BBS9: variants seen among roughly 807,000 people sequenced by gnomAD.
BBS9 encodes protein PTHB1.
A neutral mutation model predicts 117.7 loss-of-function variants in BBS9; 89 were observed. The ratio of observed to expected loss-of-function variants is 0.76; its 90% CI spans 0.64 to 0.90. The LOEUF (loss-of-function observed/expected upper bound fraction) is 0.90. BBS9 is among the 40% of genes least tolerant of loss of function. The probability of loss-of-function intolerance (pLI) is 0.00; values close to 1 mark genes in which losing one functional copy is unlikely to be tolerated. For synonymous variants in BBS9, 379 were observed against 370.9 expected (o/e 1.02, Z -0.25); for missense variants, 982 against 1,042.2 (o/e 0.94, Z 0.80).
intron 5 of BBS9, among the ~76,000 whole-genome samples, chr7:33,204,418 A>AAT: frequency 6.6e-6 from 1 of 151,506 alleles, no homozygotes; most frequent in South Asian, 2.1e-4. Flanking sequence ...AAAAAAAAAA[A>AAT]AAAGTTATTT....
chr7:33,581,225 CA>C, intron 21 of BBS9, among the ~76,000 whole-genome samples: 1 of 152,108 alleles, frequency 6.6e-6, no homozygotes, highest in South Asian at 2.1e-4. Flanking sequence ...TAAAATAGGA[CA>C]CTTGTTTCAA....
At chr7:33,212,946 T>G (rs892670800) in intron 5 of BBS9, among the ~76,000 whole-genome samples, 5 of 152,186 alleles carry the variant, frequency 3.3e-5, no homozygotes, top group East Asian at 3.9e-4. Context: ...CACTGGGGAC[T>G]GTGTTGGGTC....
At chr7:33,414,880 T>C (rs1461195719) in intron 19 of BBS9, among the ~76,000 whole-genome samples, 1 of 152,140 alleles carries the variant, frequency 6.6e-6, no homozygotes, top group African/African-American at 2.4e-5. Context: ...AGAGATGATA[T>C]CAGTTTACCG....
In BBS9 at chr7:33,601,126, C is replaced by T. The variant is rs116501653; in HGVS notation, c.2522-3739C>T. Among the ~76,000 whole-genome samples, 435 of 152,198 alleles carry T rather than the reference C, an allele frequency of 2.9e-3. 2 individuals carry two copies. Among genetic ancestry groups the T allele is most frequent in the African/African-American group, 7.8e-3 (322 of 41,532 alleles). On this transcript the variant is annotated intron_variant, in intron 21 of 22. Transcript: ENST00000242067. Reference sequence around the variant, plus strand: ...GAGGGCACTGAGCCCTTTGTGACAGCGTTATTTGAGGATGGAGTGAGTTAC... The same window carrying T: ...GAGGGCACTGAGCCCTTTGTGACAGTGTTATTTGAGGATGGAGTGAGTTAC...
At chr7:33,243,653 G>T (rs909207497) in intron 5 of BBS9, among the ~76,000 whole-genome samples, 6 of 152,120 alleles carry the variant, frequency 3.9e-5, no homozygotes, top group Non-Finnish European at 8.8e-5. Context: ...AAAACTTTTT[G>T]TGTTTGTTTT....
chr7:33,236,182 T>A (rs1302110366), intron 5 of BBS9, among the ~76,000 whole-genome samples: 1 of 151,752 alleles, frequency 6.6e-6, no homozygotes, highest in Non-Finnish European at 1.5e-5. Context: ...CAAAATTAGC[T>A]GGGTGTGATG....
intron 21 of BBS9, among the ~76,000 whole-genome samples, chr7:33,576,262 A>G (rs1258540787): frequency 6.6e-6 from 1 of 152,162 alleles, no homozygotes; most frequent in Non-Finnish European, 1.5e-5. Flanking sequence ...TACACCAATA[A>G]CAGACAAACA....
intron 19 of BBS9, among the ~76,000 whole-genome samples, chr7:33,449,863 G>C (rs1324106382): frequency 6.6e-6 from 1 of 152,038 alleles, no homozygotes; most frequent in Non-Finnish European, 1.5e-5. Flanking sequence ...AACGCATAAA[G>C]ATATTAAAAA....
At chr7:33,586,847 T>G (rs891512905) in intron 21 of BBS9, among the ~76,000 whole-genome samples, 4 of 152,016 alleles carry the variant, frequency 2.6e-5, no homozygotes, top group African/African-American at 4.8e-5. Flanking sequence ...AGCTGAACAT[T>G]GGGTACAATG....
intron 5 of BBS9, among the ~76,000 whole-genome samples, chr7:33,242,521 G>A (rs1214706107): frequency 6.6e-6 from 1 of 151,768 alleles, no homozygotes; most frequent in Non-Finnish European, 1.5e-5. Context: ...TTAGTTTTTA[G>A]CTTCTAAATT....
chr7:33,536,481 T>C (rs1446882386), intron 21 of BBS9, among the ~76,000 whole-genome samples: 3 of 152,168 alleles, frequency 2.0e-5, no homozygotes, highest in African/African-American at 7.2e-5. Flanking sequence ...TGTAGAATTA[T>C]TGCTGTCTTA....
At chr7:33,533,641 G>C in intron 20 of BBS9, 1 of 387,798 alleles carries the variant, frequency 2.6e-6, no homozygotes, top group Non-Finnish European at 4.8e-6. Flanking sequence ...TCTTTTTGTT[G>C]TTACTCATTA....
At chr7:33,597,048 ATCTC>A (rs148549968) in intron 21 of BBS9, among the ~76,000 whole-genome samples, 84 of 139,890 alleles carry the variant, frequency 6.0e-4, no homozygotes, top group Middle Eastern at 3.6e-3. Flanking sequence ...TATATGAATC[ATCTC>A]TCTCTCTCTC....
At chr7:33,527,576 A>G (rs918369426) in intron 20 of BBS9, among the ~76,000 whole-genome samples, 22 of 152,196 alleles carry the variant, frequency 1.4e-4, no homozygotes, top group African/African-American at 4.6e-4. Flanking sequence ...TGCGCTTCCC[A>G]AGTGAGGCAA....
intron 21 of BBS9, among the ~76,000 whole-genome samples, chr7:33,585,843 C>T (rs1292188847): frequency 3.3e-5 from 5 of 151,932 alleles, no homozygotes; most frequent in Non-Finnish European, 7.4e-5. Context: ...TTTCTGCCTT[C>T]TGTGTTTCTC....
At chr7:33,341,284 G>A (rs1816496899) in intron 11 of BBS9, among the ~76,000 whole-genome samples, 1 of 152,040 alleles carries the variant, frequency 6.6e-6, no homozygotes, top group Non-Finnish European at 1.5e-5. Flanking sequence ...TAGTACCATA[G>A]CATTGACGTA....
intron 21 of BBS9, among the ~76,000 whole-genome samples, chr7:33,615,978 A>G (rs917204297): frequency 3.3e-5 from 5 of 152,198 alleles, no homozygotes; most frequent in African/African-American, 1.2e-4. Flanking sequence ...AAGGGAAATA[A>G]AGACTTTCTC....
intron 21 of BBS9, among the ~76,000 whole-genome samples, chr7:33,592,577 A>T (rs76082142): frequency 4.9e-4 from 75 of 152,170 alleles, no homozygotes; most frequent in Non-Finnish European, 9.9e-4. Flanking sequence ...TCCTTGTCCT[A>T]TGTGGAAGGA....
chr7:33,412,947 G>A (rs968847724), intron 19 of BBS9, among the ~76,000 whole-genome samples: 18 of 152,160 alleles, frequency 1.2e-4, no homozygotes, highest in African/African-American at 4.3e-4. Context: ...ATGATTTTAT[G>A]TAAAATTTTG....
Sources: gnomAD v4.1 joint callset for allele counts (sites outside exome capture counted in the v4.1 genomes callset) on GRCh38, gnomAD v4.1.1 for gene constraint, MANE v1.5 for transcripts, NCBI Gene and HGNC (gene_info 2026-07-23, HGNC 2026-07-21) for gene names.